The following ROBO2 variants were observed in gnomAD, a reference collection of about 807,000 sequenced individuals.
ROBO2 encodes roundabout homolog 2.
ROBO2 carries 53 observed loss-of-function variants against 160.8 expected under a neutral mutation model. The ratio of observed to expected loss-of-function variants is 0.33; its 90% CI spans 0.26 to 0.41. ROBO2 has a LOEUF of 0.41. Among genes scored for constraint, ROBO2 ranks in the 10% least tolerant of loss-of-function variants. The pLI, the probability that ROBO2 is intolerant of heterozygous loss-of-function variation, is 1.00. For missense variants in ROBO2, 1,577 were observed against 1,722.4 expected (o/e 0.92, Z 1.49); for synonymous variants, 664 against 611.7 (o/e 1.09, Z -1.26).
chr3:76,445,805 C>T (rs1204060456), intron 2 of ROBO2, among the ~76,000 whole-genome samples: 4 of 152,086 alleles, frequency 2.6e-5, no homozygotes, highest in African/African-American at 7.2e-5. Flanking sequence ...ATTATCTCAA[C>T]AGATGAAGAA....
At chr3:77,333,570 C>T (rs2066192490) in intron 2 of ROBO2, among the ~76,000 whole-genome samples, 1 of 152,104 alleles carries the variant, frequency 6.6e-6, no homozygotes, top group East Asian at 1.9e-4. Context: ...AATAAAAAGC[C>T]ATTGCTCATG....
intron 2 of ROBO2, among the ~76,000 whole-genome samples, chr3:76,016,702 G>A (rs186459633): frequency 6.6e-6 from 1 of 152,070 alleles, no homozygotes; most frequent in African/African-American, 2.4e-5. Context: ...CATATTGAAA[G>A]ATAGTAAATA....
intron 2 of ROBO2, among the ~76,000 whole-genome samples, chr3:76,022,396 CT>C (rs2066598769): frequency 6.6e-6 from 1 of 151,812 alleles, no homozygotes; most frequent in Non-Finnish European, 1.5e-5. Flanking sequence ...TTTCAATTTA[CT>C]TTACCCAGAT....
intron 6 of ROBO2, among the ~76,000 whole-genome samples, chr3:77,523,931 AG>A (rs1160542612): frequency 6.6e-6 from 1 of 151,244 alleles, no homozygotes; most frequent in Non-Finnish European, 1.5e-5. Flanking sequence ...GTTAGGAAAA[AG>A]GTTCGGAGAA....
chr3:76,603,345 AAAAAAAATATAT>A (rs1244628175), intron 2 of ROBO2, among the ~76,000 whole-genome samples: 178 of 62,304 alleles, frequency 2.9e-3, no homozygotes, highest in African/African-American at 1.0e-2. Flanking sequence ...AAAAAAAAAA[AAAAAAAATATAT>A]ATATATATAT....
intron 2 of ROBO2, among the ~76,000 whole-genome samples, chr3:75,983,429 A>G (rs952320169): frequency 6.6e-6 from 1 of 151,432 alleles, no homozygotes; most frequent in Non-Finnish European, 1.5e-5. Flanking sequence ...AATATTCTTT[A>G]GTTTTAAAGT....
chr3:77,533,005 C>T (rs991733259), intron 6 of ROBO2, among the ~76,000 whole-genome samples: 16 of 151,946 alleles, frequency 1.1e-4, no homozygotes, highest in South Asian at 8.3e-4. Flanking sequence ...TGTTAAATTT[C>T]GTTTTGCATA....
intron 1 of ROBO2, among the ~76,000 whole-genome samples, chr3:77,056,560 A>G (rs1038509148): frequency 1.3e-5 from 2 of 152,156 alleles, no homozygotes; most frequent in African/African-American, 4.8e-5. Flanking sequence ...AATTCAAAAA[A>G]ATTAAAGACA....
At chr3:77,316,552 C>A in intron 2 of ROBO2, among the ~76,000 whole-genome samples, 1 of 152,090 alleles carries the variant, frequency 6.6e-6, no homozygotes, top group Non-Finnish European at 1.5e-5. Flanking sequence ...AAGTCTACTA[C>A]TGAAAGGATC....
chr3:76,103,243 C>A (rs951461723), intron 2 of ROBO2, among the ~76,000 whole-genome samples: 4 of 152,276 alleles, frequency 2.6e-5, no homozygotes, highest in South Asian at 2.1e-4. Flanking sequence ...TAGCAGAGTC[C>A]TCCTACCAGA....
intron 2 of ROBO2, among the ~76,000 whole-genome samples, chr3:76,071,603 C>T (rs570094065): frequency 6.6e-6 from 1 of 151,962 alleles, no homozygotes; most frequent in Non-Finnish European, 1.5e-5. Context: ...TAAATACAAG[C>T]TTTTACTTTG....
At chr3:77,394,121 C>T (rs2075025407) in intron 2 of ROBO2, among the ~76,000 whole-genome samples, 1 of 152,102 alleles carries the variant, frequency 6.6e-6, no homozygotes. Context: ...ATTATAGTAA[C>T]TTCAAAGCGG....
chr3:77,534,407 G>A (rs1251895690), intron 6 of ROBO2, among the ~76,000 whole-genome samples: 1 of 151,976 alleles, frequency 6.6e-6, no homozygotes, highest in Admixed American at 6.6e-5. Context: ...AACGGTATGA[G>A]GAGATTAGTA....
intron 2 of ROBO2, among the ~76,000 whole-genome samples, chr3:76,493,357 AT>A (rs2079951032): frequency 1.4e-5 from 2 of 143,274 alleles, no homozygotes; most frequent in Non-Finnish European, 3.0e-5. Flanking sequence ...ATATATATAT[AT>A]ATATATAATT....
At chr3:76,478,680 G>GTTT (rs1042265916) in intron 2 of ROBO2, among the ~76,000 whole-genome samples, 4,212 of 120,864 alleles carry the variant, frequency 0.035, 128 homozygotes, top group African/African-American at 0.047. Context: ...TTTTTTCTCT[G>GTTT]TTTTTTTTTT....
chr3:76,761,442 C>CG (rs1441464915), intron 2 of ROBO2, among the ~76,000 whole-genome samples: 13 of 151,702 alleles, frequency 8.6e-5, no homozygotes, highest in Non-Finnish European at 1.8e-4. Flanking sequence ...TATTCCTTTT[C>CG]AGCCTCAAAA....
chr3:76,534,515 T>C (rs1005135769), intron 2 of ROBO2, among the ~76,000 whole-genome samples: 2 of 152,134 alleles, frequency 1.3e-5, no homozygotes, highest in Non-Finnish European at 2.9e-5. Context: ...GTTCCATAGT[T>C]CTGATTGCAG....
intron 2 of ROBO2, among the ~76,000 whole-genome samples, chr3:76,798,308 G>GAAAGAA: frequency 6.7e-6 from 1 of 149,464 alleles, no homozygotes; most frequent in South Asian, 2.1e-4. Context: ...AAGAAAGAAA[G>GAAAGAA]AAAGAAAAAA....
At chr3:76,098,004 C>T (rs2069524795) in intron 2 of ROBO2, among the ~76,000 whole-genome samples, 1 of 150,926 alleles carries the variant, frequency 6.6e-6, no homozygotes, top group South Asian at 2.1e-4. Flanking sequence ...TGAAATTCTC[C>T]ATTTATTTTT....
Sources: allele counts gnomAD v4.1 joint callset (sites outside exome capture counted in the v4.1 genomes callset), GRCh38; gene constraint gnomAD v4.1.1; transcripts MANE v1.5; gene names NCBI Gene and HGNC (gene_info 2026-07-23, HGNC 2026-07-21).